The following RASAL1 variants were observed in gnomAD, a reference collection of about 807,000 sequenced individuals.
RASAL1 encodes the protein rasGAP-activating-like protein 1.
A neutral mutation model predicts 96.6 loss-of-function variants in RASAL1; 72 were observed. That is an observed-to-expected ratio of 0.75 (90% CI 0.62 to 0.91). RASAL1 has a LOEUF of 0.91. Ranked by LOEUF, RASAL1 falls within the 40% of genes least tolerant of loss-of-function variation. The pLI, the probability that RASAL1 is intolerant of heterozygous loss-of-function variation, is 0.00. For synonymous variants in RASAL1, 405 were observed against 430.4 expected, an observed-to-expected ratio of 0.94 and a Z score of 0.73; for missense variants, 1,016 against 1,072.5, an observed-to-expected ratio of 0.95 and a Z score of 0.74.
At position 113,100,692 on chromosome 12, in the gene RASAL1, G is replaced by C; in HGVS notation, c.2226-12C>G. 1 of 1,605,688 alleles carries C rather than the reference G, an allele frequency of 6.2e-7. No homozygotes were observed. Among genetic ancestry groups the C allele is most frequent in the Non-Finnish European group, 8.5e-7 (1 of 1,173,274 alleles). ...CCAGTAATTTCAGCCTGGAAGGTAA[G>C]AGGGAGAAAGACAAGTCTGGTCCCT... On this transcript the variant is annotated splice_polypyrimidine_tract_variant and intron_variant, in intron 19 of 20. Transcript: ENST00000548055.
intron 19 of RASAL1, among the ~76,000 whole-genome samples, chr12:113,101,182 G>C (rs183008754): frequency 4.6e-5 from 7 of 152,206 alleles, no homozygotes; most frequent in Non-Finnish European, 1.0e-4. Context: ...AGGGCAAGGC[G>C]AGACAGGTGG....
upstream of RASAL1, chr12:113,136,304 G>C (rs1224047686): frequency 1.3e-5 from 2 of 152,328 alleles, no homozygotes; most frequent in Non-Finnish European, 2.9e-5. Context: ...CGGCCAGATG[G>C]GGGAGGGGAA....
At chr12:113,133,807 G>A (rs924788100) in intron 1 of RASAL1, among the ~76,000 whole-genome samples, 1 of 152,210 alleles carries the variant, frequency 6.6e-6, no homozygotes, top group Non-Finnish European at 1.5e-5. Context: ...CCTTGCTCTA[G>A]GGCATGACCT....
At chr12:113,103,905 G>A (rs1950550970) in intron 18 of RASAL1, 41 bp downstream of exon 18, 2 of 1,542,576 alleles carry the variant, frequency 1.3e-6, no homozygotes, top group Middle Eastern at 1.7e-4. Flanking sequence ...CTGATTGACG[G>A]GTGGGGAGGG....
In RASAL1 at chr12:113,108,196, T is replaced by C; in HGVS notation, c.1401A>G (p.Gly467=). 9.3e-6 allele frequency: 15 copies of C among 1,612,850 alleles called. No homozygotes were observed. The highest frequency in any genetic ancestry group is 1.3e-5 in the Non-Finnish European group (15 of 1,179,588). The change falls in exon 14 of 21, where the codon GGA becomes GGG. Residue 467 remains glycine, a synonymous_variant. Coordinates refer to ENST00000548055, the MANE Select transcript of RASAL1 (RefSeq NM_001301202.2). ...GTGCGAAGAATCGCAAGAAGAGAAA[T>C]CCACTGATGGCCAGGTACTTCACAT... The part of the protein sequence containing the change: ...HQDVKYLAIS[G]FLFLRFFAPA...
rs751219338 is a variant in RASAL1 at position 113,130,929 on chromosome 12, G to A, written c.78C>T (p.Ser26=). 17 of 1,613,180 alleles carry A rather than the reference G, an allele frequency of 1.1e-5. No individual in the cohort carries two copies. Among genetic ancestry groups the A allele is most frequent in the South Asian group, 8.8e-5 (8 of 91,016 alleles). The change falls in exon 2 of 21, where the codon AGC becomes AGT. Residue 26 remains serine (S), a synonymous_variant. Transcript: ENST00000548055. The surrounding 1 kb of genome is among the most constrained non-coding windows in gnomAD (Gnocchi z 5.1). ...CCACTTTCACTAGGCAGTAGGGGTC[G>A]CTGCTCCCAGACCTGCAGAAGGAGG... ...ALPAKDVSGS[S]DPYCLVKVDD...
Position 113,115,902 on chromosome 12 carries a change from G to T in RASAL1, c.849+32C>A, listed in dbSNP as rs769355412. The T allele has an allele frequency of 3.2e-6, 5 of 1,581,938 alleles. No individual in the cohort carries two copies. The South Asian group carries it at 4.6e-5, about 15-fold the overall frequency. ...GCCAGGATCCAGACCCCCGGCACCC[G>T]CCTGATAGCATTGCTTGCCTGACGC... On this transcript the variant is annotated intron_variant, in intron 9 of 20. Transcript: ENST00000548055. The surrounding 1 kb of genome is among the most constrained non-coding windows in gnomAD (Gnocchi z 4.1).
chr12:113,134,599 G>A (rs563781601), intron 1 of RASAL1, among the ~76,000 whole-genome samples: 2 of 152,194 alleles, frequency 1.3e-5, no homozygotes, highest in African/African-American at 4.8e-5. Flanking sequence ...CACACCTGTC[G>A]CAGGTGCTAA....
At chr12:113,136,469 T>C (rs3759378), upstream of RASAL1, among the ~76,000 whole-genome samples, 17,225 of 152,264 alleles carry the variant, frequency 0.11, 1,057 homozygotes, top group East Asian at 0.2. Context: ...TACCCCATTA[T>C]CCGCAGTTTA....
At position 113,135,522 on chromosome 12, in the gene RASAL1, G is replaced by T; in HGVS notation, c.-60C>A. On this transcript the variant is annotated 5_prime_UTR_variant, in exon 1 of 21. Transcript: ENST00000548055. This position sits in a 1 kb window ranked among gnomAD's most constrained non-coding sequence, Gnocchi z 5.7. Reference sequence around the variant, plus strand: ...GCTCAGGTTCCGAGGCTGGACCAGGGGACGTCTACATGTCACCTGCTTCAA... The same window carrying T: ...GCTCAGGTTCCGAGGCTGGACCAGGTGACGTCTACATGTCACCTGCTTCAA... 2 of 1,435,930 alleles carry T rather than the reference G, an allele frequency of 1.4e-6. No individual in the cohort carries two copies. Among genetic ancestry groups the T allele is most frequent in the South Asian group, 1.2e-5 (1 of 81,200 alleles). 88.9% of individuals were successfully genotyped at this position (1,435,930 alleles called of 1,614,324 possible). A position where few individuals can be genotyped will look rare whatever the true frequency, so the allele number is the denominator to read the frequency against.
chr12:113,122,846 T>C (rs969307295), intron 4 of RASAL1, among the ~76,000 whole-genome samples: 1 of 152,228 alleles, frequency 6.6e-6, no homozygotes, highest in Non-Finnish European at 1.5e-5. Flanking sequence ...CTGTCTCTAA[T>C]TTTTAAAATT....
rs916245096 is a variant in RASAL1, at chr12:113,100,171, G to A, written c.2279-103C>T. 3 of 1,324,720 alleles carry A rather than the reference G, an allele frequency of 2.3e-6. No individual in the cohort carries two copies. In the African/African-American group the frequency reaches 4.4e-5, roughly 20 times the overall value. 82.1% of individuals were successfully genotyped at this position (1,324,720 alleles called of 1,614,324 possible). A position where few individuals can be genotyped will look rare whatever the true frequency, so the allele number is the denominator to read the frequency against. ...ATGCTGAAGATGTGCCTTGTGCCCT[G>A]AGAACCCTAAAATCCTTGAGAATCC... On this transcript the variant is annotated intron_variant, in intron 20 of 20. Transcript: ENST00000548055.
chr12:113,108,157 G>A lies in RASAL1; in HGVS notation c.1440C>T (p.Thr480=). The change falls in exon 14 of 21, where the codon ACC becomes ACT. Residue 480 remains threonine, a synonymous_variant. Transcript: ENST00000548055. The part of the protein sequence containing the change: ...FLRFFAPAIL[T]PKLFDLRDQH... ...GGTCCCGAAGGTCAAACAGCTTTGG[G>A]GTAAGGATGGCAGGTGCGAAGAATC... The A allele has an allele frequency of 6.2e-7, 1 of 1,613,820 alleles. No homozygotes were observed. Among genetic ancestry groups the A allele is most frequent in the African/African-American group, 1.3e-5 (1 of 75,032 alleles).
At chr12:113,120,814 C>A (rs556534322) in intron 5 of RASAL1, among the ~76,000 whole-genome samples, 1 of 152,296 alleles carries the variant, frequency 6.6e-6, no homozygotes, top group Non-Finnish European at 1.5e-5. Flanking sequence ...CTTCTCACCA[C>A]CCCCCTCTCA....
chr12:113,103,035 C>A, intron 18 of RASAL1: 1 of 307,108 alleles, frequency 3.3e-6, no homozygotes, highest in Non-Finnish European at 6.4e-6. Flanking sequence ...CCTTGAGTCC[C>A]CATCCTGAGG....
At chr12:113,111,421 C>G (rs994170193) in intron 13 of RASAL1, among the ~76,000 whole-genome samples, 1 of 152,164 alleles carries the variant, frequency 6.6e-6, no homozygotes, top group African/African-American at 2.4e-5. Context: ...GTGACTTAAG[C>G]TCTCTGGGCC....
In RASAL1 at chr12:113,115,701, A is replaced by ATC; in HGVS notation, c.936_937insGA (p.Phe313AspfsTer44). The stretch of plus-strand genomic sequence containing the variant: ...CGCCCAGCCAGTCCCCGGCCAAGAA[A>ATC]GAGTTTCACCAGCTTGGTGGCAAGG... On this transcript the variant is annotated frameshift_variant, in exon 10 of 21. Transcript: ENST00000548055. LOFTEE classifies it high-confidence loss of function. The surrounding 1 kb of genome is among the most constrained non-coding windows in gnomAD (Gnocchi z 4.1). 6.2e-7 allele frequency: 1 copy of ATC among 1,614,098 alleles called. No individual in the cohort carries two copies. Among genetic ancestry groups the ATC allele is most frequent in the Admixed American group, 1.7e-5 (1 of 60,026 alleles).
chr12:113,111,741 G>A (rs746213022), intron 13 of RASAL1, among the ~76,000 whole-genome samples: 1 of 152,058 alleles, frequency 6.6e-6, no homozygotes, highest in Non-Finnish European at 1.5e-5. Context: ...TTACAGGTGT[G>A]AGCCACCATG....
In RASAL1 at chr12:113,115,322, C is replaced by A; in HGVS notation, c.1004-58G>T. On this transcript the variant is annotated intron_variant, in intron 10 of 20. Transcript: ENST00000548055. This position sits in a 1 kb window ranked among gnomAD's most constrained non-coding sequence, Gnocchi z 4.1. ...TTAGGGAGCTGAACCCAGCTCACCC[C>A]ACTCACCCAAGGTGGGAGTCATGAT... 2 of 1,482,508 alleles carry A rather than the reference C, an allele frequency of 1.3e-6. No individual in the cohort carries two copies. Among genetic ancestry groups the A allele is most frequent in the East Asian group, 2.3e-5 (1 of 44,222 alleles). 91.8% of individuals were successfully genotyped at this position (1,482,508 alleles called of 1,614,324 possible). A position where few individuals can be genotyped will look rare whatever the true frequency, so the allele number is the denominator to read the frequency against.
Sources: allele counts gnomAD v4.1 joint callset (sites outside exome capture counted in the v4.1 genomes callset), GRCh38; gene constraint gnomAD v4.1.1; non-coding constraint Gnocchi (gnomAD v3.1); transcripts MANE v1.5; gene names NCBI Gene and HGNC (gene_info 2026-07-23, HGNC 2026-07-21).